The following RCOR1 variants were observed in gnomAD, a reference collection of about 807,000 sequenced individuals.
RCOR1 encodes REST corepressor.
A neutral mutation model predicts 64.0 loss-of-function variants in RCOR1; 12 were observed. That is an observed-to-expected ratio of 0.19 (90% CI 0.12 to 0.30). RCOR1 has a LOEUF of 0.30. Ranked by LOEUF, RCOR1 falls within the 10% of genes least tolerant of loss-of-function variation. The pLI is 1.00. For missense variants in RCOR1, 502 were observed against 621.2 expected, an observed-to-expected ratio of 0.81 and a Z score of 2.04; for synonymous variants, 279 against 227.2, an observed-to-expected ratio of 1.23 and a Z score of -2.05.
intron 2 of RCOR1, among the ~76,000 whole-genome samples, chr14:102,670,955 G>T (rs1447784001): frequency 1.3e-5 from 2 of 151,890 alleles, no homozygotes; most frequent in African/African-American, 2.4e-5. Context: ...TGTATTTTTA[G>T]TAGAGATGGG....
intron 2 of RCOR1, among the ~76,000 whole-genome samples, chr14:102,661,588 TG>T (rs1187206793): frequency 6.6e-6 from 1 of 152,116 alleles, no homozygotes; most frequent in Non-Finnish European, 1.5e-5. Flanking sequence ...GGAAAAGCAA[TG>T]GGGGAAAGTA....
intron 2 of RCOR1, among the ~76,000 whole-genome samples, chr14:102,633,107 G>C (rs767353220): frequency 3.3e-5 from 5 of 151,822 alleles, no homozygotes; most frequent in Non-Finnish European, 7.4e-5. Flanking sequence ...ACTGTGCCTG[G>C]CCAGCTGTTT....
At chr14:102,598,573 GA>G (rs33964648) in intron 2 of RCOR1, among the ~76,000 whole-genome samples, 94,616 of 150,954 alleles carry the variant, frequency 0.63, 30,684 homozygotes, top group South Asian at 0.72. Flanking sequence ...TCAGCCTCCC[GA>G]GTAGCTGGGA....
intron 2 of RCOR1, among the ~76,000 whole-genome samples, chr14:102,639,971 G>A (rs1894333269): frequency 6.6e-6 from 1 of 151,998 alleles, no homozygotes; most frequent in Non-Finnish European, 1.5e-5. Context: ...TCAGCCTCAT[G>A]AGCAGCTGGG....
At chr14:102,634,904 C>T (rs1352996858) in intron 2 of RCOR1, among the ~76,000 whole-genome samples, 1 of 149,784 alleles carries the variant, frequency 6.7e-6, no homozygotes, top group African/African-American at 2.5e-5. Flanking sequence ...GAAGGGGTTT[C>T]ACCACGTTGG....
Position 102,684,207 on chromosome 14 carries a change from C to T in RCOR1, c.445+2229C>T, listed in dbSNP as rs143464517. 7.2e-5 allele frequency among the ~76,000 whole-genome samples: 11 copies of T among 152,302 alleles called. No individual in the cohort carries two copies. The East Asian group carries it at 2.1e-3, about 29-fold the overall frequency. On this transcript the variant is annotated intron_variant, in intron 3 of 11. Coordinates refer to ENST00000262241, the MANE Select transcript of RCOR1 (RefSeq NM_015156.4). The stretch of plus-strand genomic sequence containing the variant: ...TGCATAGCAAACCCGTGGAAATGAC[C>T]TGTCAGTGTCAGGCAGTGGAAGACA...
At chr14:102,624,716 A>C (rs1893946867) in intron 2 of RCOR1, among the ~76,000 whole-genome samples, 1 of 151,232 alleles carries the variant, frequency 6.6e-6, no homozygotes, top group African/African-American at 2.4e-5. Flanking sequence ...CAGTGAGCTG[A>C]GATCTTACCC....
chr14:102,658,166 G>T (rs997815317), intron 2 of RCOR1, among the ~76,000 whole-genome samples: 1 of 151,964 alleles, frequency 6.6e-6, no homozygotes, highest in Non-Finnish European at 1.5e-5. Context: ...GTGGAGACGG[G>T]GTTTCACCAT....
At chr14:102,726,447 T>C in intron 11 of RCOR1, 21 bp from the exon 12 acceptor site, 1 of 1,574,334 alleles carries the variant, frequency 6.4e-7, no homozygotes, top group Non-Finnish European at 8.5e-7. Flanking sequence ...CTTTTTTTTT[T>C]TTTTTTCCTC....
chr14:102,705,982 C>T (rs939866017), intron 4 of RCOR1, among the ~76,000 whole-genome samples: 48 of 150,848 alleles, frequency 3.2e-4, no homozygotes, highest in Non-Finnish European at 5.3e-4. Context: ...CATGGTGGCA[C>T]GCACCTGTAG....
At position 102,692,595 on chromosome 14, in the gene RCOR1, G is replaced by T. The variant is rs540211474; in HGVS notation, c.446-8683G>T. On this transcript the variant is annotated intron_variant, in intron 3 of 11. Coordinates refer to ENST00000262241, the MANE Select transcript of RCOR1 (RefSeq NM_015156.4). ...TGCACTCTGATTTTAAGCACAAATG[G>T]TTACATCTTCTATGTAGTGGTTTTC... is the stretch of plus-strand genomic sequence containing the variant. Among the ~76,000 whole-genome samples, 142 of 152,024 alleles carry T rather than the reference G, an allele frequency of 9.3e-4. 2 individuals carry two copies. The highest frequency in any genetic ancestry group is 3.2e-3 in the African/African-American group (133 of 41,468).
chr14:102,626,263 G>A (rs1021642865), intron 2 of RCOR1, among the ~76,000 whole-genome samples: 4 of 152,138 alleles, frequency 2.6e-5, no homozygotes, highest in Non-Finnish European at 5.9e-5. Context: ...CACAACCTGT[G>A]TTTTACTCTC....
chr14:102,605,488 G>T (rs2146430), intron 2 of RCOR1, among the ~76,000 whole-genome samples: 94,755 of 151,646 alleles, frequency 0.62, 30,655 homozygotes, highest in South Asian at 0.72. Context: ...AAAAATTTCT[G>T]TCGCCTAGTA....
rs1896271165 is a variant in RCOR1 at position 102,726,705 on chromosome 14, A to G, written c.*199A>G. 2 of 568,734 alleles carry G rather than the reference A, an allele frequency of 3.5e-6. No individual in the cohort carries two copies. The highest frequency in any genetic ancestry group is 3.9e-5 in the African/African-American group (2 of 51,318). The allele number at this position is 568,734 out of a possible 1,614,324, so 35.2% of individuals were successfully genotyped here. A position where few individuals can be genotyped will look rare whatever the true frequency, so the allele number is the denominator to read the frequency against. On this transcript the variant is annotated 3_prime_UTR_variant, in exon 12 of 12. Transcript: ENST00000262241. ...TCCATGTTGGCGCCACTTCCCAGAGAGCTCCACTGCATCTCACACTCTGCC... is the reference window on the plus strand; with the variant it reads ...TCCATGTTGGCGCCACTTCCCAGAGGGCTCCACTGCATCTCACACTCTGCC...
chr14:102,656,682 T>C (rs1021677608), intron 2 of RCOR1, among the ~76,000 whole-genome samples: 4 of 152,146 alleles, frequency 2.6e-5, no homozygotes. Context: ...TTGGCCAGGC[T>C]GGTCTTGAAC....
chr14:102,683,652 T>C (rs890131391), intron 3 of RCOR1, among the ~76,000 whole-genome samples: 1 of 152,220 alleles, frequency 6.6e-6, no homozygotes, highest in Non-Finnish European at 1.5e-5. Flanking sequence ...AGCTCTCCTC[T>C]GGGGGCGCGC....
chr14:102,690,930 C>T (rs1438968820), intron 3 of RCOR1, among the ~76,000 whole-genome samples: 1 of 152,188 alleles, frequency 6.6e-6, no homozygotes, highest in Non-Finnish European at 1.5e-5. Flanking sequence ...GGTGGGAGTG[C>T]AGGATTCCCC....
At chr14:102,595,519 C>T (rs1264447598) in intron 2 of RCOR1, among the ~76,000 whole-genome samples, 2 of 151,982 alleles carry the variant, frequency 1.3e-5, no homozygotes, top group African/African-American at 4.8e-5. Flanking sequence ...AAACATCTAA[C>T]TGTTTTGCTG....
chr14:102,711,388 C>T (rs1276187856), intron 7 of RCOR1, among the ~76,000 whole-genome samples: 2 of 152,208 alleles, frequency 1.3e-5, no homozygotes, highest in African/African-American at 4.8e-5. Flanking sequence ...ATCCTAGGCA[C>T]CCATGCCGTG....
Sources: gnomAD v4.1 joint callset for allele counts (sites outside exome capture counted in the v4.1 genomes callset) on GRCh38, gnomAD v4.1.1 for gene constraint, MANE v1.5 for transcripts, NCBI Gene and HGNC (gene_info 2026-07-23, HGNC 2026-07-21) for gene names.